The following ITGAM variants were observed in gnomAD, a reference collection of about 807,000 sequenced individuals.
ITGAM encodes integrin alpha-M.
ITGAM carries 79 observed loss-of-function variants against 137.5 expected under a neutral mutation model. That is an observed-to-expected ratio of 0.57 (90% confidence interval 0.48 to 0.69). The LOEUF (loss-of-function observed/expected upper bound fraction) is 0.69. ITGAM is among the 30% of genes least tolerant of loss of function. The pLI is 0.00. For missense variants in ITGAM, 1,343 were observed against 1,483.5 expected (o/e 0.91, Z 1.56); for synonymous variants, 583 against 592.3 (o/e 0.98, Z 0.23).
chr16:31,319,720 G>C (rs2080428247), intron 14 of ITGAM, among the ~76,000 whole-genome samples: 1 of 151,928 alleles, frequency 6.6e-6, no homozygotes, highest in African/African-American at 2.4e-5. Flanking sequence ...TAGTCATGTA[G>C]GTCTTTTGTC....
chr16:31,324,340 C>T lies in ITGAM; in HGVS notation c.2003-59C>T. 1 of 1,469,372 alleles carries T rather than the reference C, an allele frequency of 6.8e-7. No homozygotes were observed. The allele number at this position is 1,469,372 out of a possible 1,614,324, so 91.0% of individuals were successfully genotyped here. On this transcript the variant is annotated intron_variant, in intron 16 of 29. Transcript: ENST00000544665. This position sits in a 1 kb window ranked among gnomAD's most constrained non-coding sequence, Gnocchi z 4.5. ...AAGCAGAGGAGCTGGGCCTTGAACT[C>T]CCATCTGCCGGGTTCCGAGGCTCAG...
chr16:31,260,878 C>T (rs1596961878), intron 1 of ITGAM, among the ~76,000 whole-genome samples: 2 of 152,260 alleles, frequency 1.3e-5, no homozygotes, highest in Admixed American at 1.3e-4. Context: ...AGCACCACCC[C>T]CAAAGAATTC....
At chr16:31,301,653 T>A (rs939697519) in intron 14 of ITGAM, among the ~76,000 whole-genome samples, 3 of 152,216 alleles carry the variant, frequency 2.0e-5, no homozygotes, top group Admixed American at 6.5e-5. Context: ...GCATAATGAA[T>A]CCTCAATTTC....
intron 14 of ITGAM, among the ~76,000 whole-genome samples, chr16:31,310,155 A>G (rs1056342689): frequency 6.6e-6 from 1 of 151,854 alleles, no homozygotes; most frequent in African/African-American, 2.4e-5. Flanking sequence ...ACTTTGGTGA[A>G]TCTGACAATT....
At chr16:31,329,190 A>G (rs766551532) in intron 23 of ITGAM, 38 bp from the exon 24 acceptor site, 20 of 1,418,000 alleles carry the variant, frequency 1.4e-5, no homozygotes, top group Non-Finnish European at 1.7e-5. Context: ...GGCACCCCTC[A>G]TGTTTTGTCA....
Position 31,331,145 on chromosome 16 carries a change from G to T in ITGAM, c.3277-20G>T. 2.2e-6 allele frequency: 3 copies of T among 1,349,676 alleles called. No individual in the cohort carries two copies. The highest frequency in any genetic ancestry group is 1.2e-5 in the South Asian group (1 of 84,200). The allele number at this position is 1,349,676 out of a possible 1,614,324, so 83.6% of individuals were successfully genotyped here. On this transcript the variant is annotated intron_variant, in intron 28 of 29. Transcript: ENST00000544665. ...GAAATCCAGAGTCGTCTCCCCTGACGCCCCTCCTTCCTCCCCCAGACGGAG... is the reference window on the plus strand; with the variant it reads ...GAAATCCAGAGTCGTCTCCCCTGACTCCCCTCCTTCCTCCCCCAGACGGAG...
chr16:31,328,098 CT>C (rs777578096), intron 22 of ITGAM, 48 bp from the exon 23 acceptor site: 2 of 1,414,596 alleles, frequency 1.4e-6, no homozygotes, highest in East Asian at 4.6e-5. Context: ...GGAGCAAAGA[CT>C]AACTGTCAGT....
intron 29 of ITGAM, 173 bp from the exon 30 acceptor site, chr16:31,331,463 C>G: frequency 1.5e-6 from 1 of 650,802 alleles, no homozygotes; most frequent in Non-Finnish European, 2.7e-6. Context: ...AACGAGTCGC[C>G]CTCCTTGTAG....
chr16:31,330,636 G>C (rs775796504), intron 28 of ITGAM, 31 bp downstream of exon 28: 1 of 1,497,660 alleles, frequency 6.7e-7, no homozygotes, highest in Admixed American at 1.9e-5. Flanking sequence ...GGAACTATTG[G>C]AGGGAGAGGG....
chr16:31,325,516 G>A lies in ITGAM; in HGVS notation c.2522G>A (p.Arg841Gln), dbSNP rs773006854. Residue 841 changes from arginine (R) to glutamine (Q), a missense_variant, in exon 21 of 30, where the codon CGA becomes CAA. Physicochemically the swap from Arg to Gln is conservative, Grantham distance 43. Coordinates refer to ENST00000544665, the MANE Select transcript of ITGAM (RefSeq NM_000632.4). ...VSTLQNQRSQRSWRLACESAS... is the reference protein window; with the variant it reads ...VSTLQNQRSQQSWRLACESAS... ...GCCTTCCAGAACCAGCGCTCACAGC[G>A]ATCCTGGCGCCTGGCCTGTGAGTCT... 2.5e-6 allele frequency: 4 copies of A among 1,613,926 alleles called. No homozygotes were observed. Among genetic ancestry groups the A allele is most frequent in the Non-Finnish European group, 3.4e-6 (4 of 1,179,892 alleles).
chr16:31,269,380 C>T (rs906760762), intron 5 of ITGAM, among the ~76,000 whole-genome samples: 51 of 152,188 alleles, frequency 3.4e-4, no homozygotes, highest in Admixed American at 9.2e-4. Context: ...AATCTAGTCC[C>T]CAGGTAAGAA....
intron 12 of ITGAM, among the ~76,000 whole-genome samples, chr16:31,283,423 T>C (rs542991407): frequency 6.6e-6 from 1 of 152,336 alleles, no homozygotes; most frequent in East Asian, 1.9e-4. Context: ...CATTTCTTTT[T>C]ACTCTTTTTT....
intron 19 of ITGAM, 48 bp from the exon 20 acceptor site, chr16:31,325,215 A>C: frequency 1.9e-6 from 3 of 1,572,216 alleles, no homozygotes; most frequent in South Asian, 2.4e-5. Context: ...GGCTTGCCAC[A>C]GGGAAGCCCA....
chr16:31,324,707 G>A lies in ITGAM; in HGVS notation c.2214G>A (p.Val738=), dbSNP rs780165536. 1.7e-5 allele frequency: 27 copies of A among 1,601,374 alleles called. No individual in the cohort carries two copies. The highest frequency in any genetic ancestry group is 2.0e-5 in the Non-Finnish European group (24 of 1,174,682). The change falls in exon 18 of 30, where the codon GTG becomes GTA. Residue 738 remains valine, a synonymous_variant. Transcript: ENST00000544665. The surrounding 1 kb of genome is among the most constrained non-coding windows in gnomAD (Gnocchi z 4.5). ...PIVLRLNFSL[V]GTPLSAFGNL... ...TGCTGCGCCTGAACTTCTCTCTGGT[G>A]GGAACGCCATTGTCTGCTTTCGGGA...
At chr16:31,272,089 G>A (rs2079847582) in intron 7 of ITGAM, 97 bp downstream of exon 7, 1 of 1,448,656 alleles carries the variant, frequency 6.9e-7, no homozygotes, top group African/African-American at 1.4e-5. Flanking sequence ...GGGTGGTAGA[G>A]GATGCTTCCC....
chr16:31,297,817 C>T lies in ITGAM; in HGVS notation c.1570C>T (p.Leu524=). The T allele has an allele frequency of 6.2e-7, 1 of 1,612,954 alleles. No individual in the cohort carries two copies. Among genetic ancestry groups the T allele is most frequent in the South Asian group, 1.1e-5 (1 of 91,022 alleles). The change falls in exon 14 of 30, where the codon CTA becomes TTA. Residue 524 remains leucine, a synonymous_variant. Transcript: ENST00000544665. ...GQPWGRFGAA[L]TVLGDVNGDK... Reference sequence around the variant, plus strand: ...ACCCTGGGGCCGCTTTGGGGCAGCCCTAACAGTGCTGGGGGACGTAAATGG... The same window carrying T: ...ACCCTGGGGCCGCTTTGGGGCAGCCTTAACAGTGCTGGGGGACGTAAATGG...
chr16:31,268,500 A>C (rs1268621860), intron 5 of ITGAM, among the ~76,000 whole-genome samples: 2 of 152,074 alleles, frequency 1.3e-5, no homozygotes, highest in African/African-American at 4.8e-5. Context: ...CATCTCTACA[A>C]AAAATGCAAT....
intron 14 of ITGAM, among the ~76,000 whole-genome samples, chr16:31,305,240 CT>C (rs1281355306): frequency 3.3e-5 from 5 of 152,058 alleles, no homozygotes; most frequent in Admixed American, 6.6e-5. Context: ...GGGTTGAGTT[CT>C]TGATTTGATT....
intron 8 of ITGAM, among the ~76,000 whole-genome samples, chr16:31,274,325 G>A (rs2079882561): frequency 6.6e-6 from 1 of 152,206 alleles, no homozygotes; most frequent in Non-Finnish European, 1.5e-5. Context: ...GAAAAAGAAA[G>A]AGGAGAAAGG....
Sources: gnomAD v4.1 joint callset for allele counts (sites outside exome capture counted in the v4.1 genomes callset) on GRCh38, gnomAD v4.1.1 for gene constraint, Gnocchi (gnomAD v3.1) non-coding constraint, MANE v1.5 for transcripts, NCBI Gene and HGNC (gene_info 2026-07-23, HGNC 2026-07-21) for gene names.